The following SEMA6D variants were observed in gnomAD, a reference collection of about 807,000 sequenced individuals.
SEMA6D encodes the protein semaphorin-6D.
Under a neutral mutation model 106.6 loss-of-function variants are expected in SEMA6D, and 35 were observed. That is an observed-to-expected ratio of 0.33 (90% CI 0.25 to 0.44). The LOEUF is 0.44. SEMA6D is among the 20% of genes least tolerant of loss of function. SEMA6D has a pLI of 1.00. For missense variants in SEMA6D, 1,185 were observed against 1,345.9 expected (o/e 0.88, Z 1.87); for synonymous variants, 499 against 487.7 (o/e 1.02, Z -0.31).
At chr15:47,440,066 G>A (rs1190830197) in intron 2 of SEMA6D, among the ~76,000 whole-genome samples, 1 of 152,098 alleles carries the variant, frequency 6.6e-6, no homozygotes, top group Non-Finnish European at 1.5e-5. Flanking sequence ...TTGAACTTGG[G>A]AGAGCAAAAA....
intron 1 of SEMA6D, among the ~76,000 whole-genome samples, chr15:47,758,672 T>G (rs760351087): frequency 9.2e-5 from 14 of 152,190 alleles, no homozygotes; most frequent in Admixed American, 8.5e-4. Context: ...TTGATTAAAT[T>G]TAACACCTAT....
chr15:47,412,050 G>A (rs1159057441), intron 1 of SEMA6D, among the ~76,000 whole-genome samples: 6 of 151,916 alleles, frequency 3.9e-5, no homozygotes, highest in African/African-American at 1.5e-4. Context: ...ATTAAAATTG[G>A]GTTGGTTACT....
chr15:47,771,450 G>A lies in SEMA6D; in HGVS notation c.2887G>A (p.Gly963Ser), dbSNP rs771280362. 34 of 1,614,064 alleles carry A rather than the reference G, an allele frequency of 2.1e-5. No individual in the cohort carries two copies. The highest frequency in any genetic ancestry group is 2.7e-5 in the Non-Finnish European group (32 of 1,180,002). Residue 963 changes from glycine to serine, a missense_variant, in exon 19 of 19, where the codon GGT (glycine) becomes AGT (serine). Transcript: ENST00000536845. ...AATGACTTCTCTGGAAAGACAAAGA[G>A]GTTATCACAAAAATTCCTCCCAGAG... ...VPMTSLERQR[G>S]YHKNSSQRHS... is the part of the protein sequence containing the mutation.
rs2082196873 is a variant in SEMA6D, at chr15:47,763,900, C to T, written c.798C>T (p.Ser266=). ...TATGTAAAAACGACATGGGTGGTTC[C>T]CAGCGGGTCCTGGAGAAACACTGGA... ...ARICKNDMGG[S]QRVLEKHWTS... is the part of the protein sequence containing the mutation. The change falls in exon 10 of 19, where the codon TCC becomes TCT. Residue 266 remains serine (S), a synonymous_variant. Coordinates refer to ENST00000536845, the MANE Select transcript of SEMA6D (RefSeq NM_001358351.3). The T allele has an allele frequency of 6.2e-7, 1 of 1,613,700 alleles. No individual in the cohort carries two copies. The highest frequency in any genetic ancestry group is 1.3e-5 in the African/African-American group (1 of 74,890).
chr15:47,726,646 A>G (rs181264098), intron 1 of SEMA6D, among the ~76,000 whole-genome samples: 19 of 152,306 alleles, frequency 1.2e-4, no homozygotes, highest in Admixed American at 1.0e-3. Context: ...TTCACCTTAT[A>G]AAAGGTGGAT....
intron 1 of SEMA6D, among the ~76,000 whole-genome samples, chr15:47,277,443 C>T (rs940665054): frequency 2.0e-5 from 3 of 151,976 alleles, no homozygotes; most frequent in African/African-American, 2.4e-5. Context: ...AGCAAATCAT[C>T]ACCCTGATCA....
intron 4 of SEMA6D, among the ~76,000 whole-genome samples, chr15:47,710,552 C>T (rs2078996679): frequency 6.6e-6 from 1 of 152,080 alleles, no homozygotes; most frequent in African/African-American, 2.4e-5. Context: ...TTCATAACGC[C>T]TTAAACAGAA....
intron 1 of SEMA6D, among the ~76,000 whole-genome samples, chr15:47,270,165 ATATT>A (rs1183306396): frequency 2.7e-5 from 4 of 148,178 alleles, no homozygotes; most frequent in Admixed American, 6.8e-5. Flanking sequence ...TGTTATAAAT[ATATT>A]TATTATAGTT....
intron 1 of SEMA6D, among the ~76,000 whole-genome samples, chr15:47,328,331 G>A (rs544040649): frequency 1.3e-5 from 2 of 152,266 alleles, no homozygotes; most frequent in African/African-American, 4.8e-5. Flanking sequence ...GATATTTAGG[G>A]AAGCTTTTTC....
At chr15:47,246,079 A>G (rs1382448272) in intron 1 of SEMA6D, among the ~76,000 whole-genome samples, 15 of 152,128 alleles carry the variant, frequency 9.9e-5, no homozygotes, top group Admixed American at 9.8e-4. Context: ...ACCTTTCATA[A>G]TGCTTTAAAG....
intron 4 of SEMA6D, among the ~76,000 whole-genome samples, chr15:47,633,781 G>C (rs759762720): frequency 3.3e-5 from 5 of 151,998 alleles, no homozygotes; most frequent in Non-Finnish European, 5.9e-5. Flanking sequence ...TTTTGGTATT[G>C]TACCTCAGGT....
intron 4 of SEMA6D, among the ~76,000 whole-genome samples, chr15:47,624,624 C>T (rs758164156): frequency 5.9e-5 from 9 of 152,164 alleles, no homozygotes; most frequent in Non-Finnish European, 1.0e-4. Context: ...AATCTTGTAA[C>T]ACAAATATAG....
At chr15:47,552,891 A>AATATATATATATTTTTATATATATAT (rs71118186) in intron 3 of SEMA6D, among the ~76,000 whole-genome samples, 8 of 35,282 alleles carry the variant, frequency 2.3e-4, no homozygotes, top group Non-Finnish European at 4.0e-4. Flanking sequence ...AATATATATA[A>AATATATATATATTTTTATATATATAT]ATATATATAT....
At chr15:47,301,267 T>A (rs2036006189) in intron 1 of SEMA6D, among the ~76,000 whole-genome samples, 1 of 152,146 alleles carries the variant, frequency 6.6e-6, no homozygotes, top group South Asian at 2.1e-4. Flanking sequence ...ATAGTGTAAA[T>A]AGTGACAGCT....
intron 2 of SEMA6D, among the ~76,000 whole-genome samples, chr15:47,456,785 T>C (rs2042357607): frequency 6.6e-6 from 1 of 152,006 alleles, no homozygotes; most frequent in South Asian, 2.1e-4. Flanking sequence ...CTGAAACAGA[T>C]GGCGGTAGTC....
chr15:47,194,213 A>G (rs944225775), intron 1 of SEMA6D, among the ~76,000 whole-genome samples: 4 of 152,116 alleles, frequency 2.6e-5, no homozygotes, highest in African/African-American at 9.7e-5. Flanking sequence ...CTAACTTAAT[A>G]TTTACAAGGT....
At chr15:47,693,559 C>T (rs2078634752) in intron 4 of SEMA6D, among the ~76,000 whole-genome samples, 2 of 152,158 alleles carry the variant, frequency 1.3e-5, no homozygotes, top group South Asian at 4.1e-4. Context: ...CAGTGATTCT[C>T]AGTCCTGCCT....
At chr15:47,464,439 A>G (rs538481178) in intron 2 of SEMA6D, among the ~76,000 whole-genome samples, 4 of 152,086 alleles carry the variant, frequency 2.6e-5, no homozygotes, top group East Asian at 1.9e-4. Context: ...GGTGATACCC[A>G]TTGTCTCTGC....
At chr15:47,272,799 C>G (rs2034617148) in intron 1 of SEMA6D, 1 of 152,378 alleles carries the variant, frequency 6.6e-6, no homozygotes, top group Non-Finnish European at 1.5e-5. Flanking sequence ...AGCTGTGCTC[C>G]CCTGCTAGAA....
Sources: allele counts gnomAD v4.1 joint callset (sites outside exome capture counted in the v4.1 genomes callset), GRCh38; gene constraint gnomAD v4.1.1; transcripts MANE v1.5; gene names NCBI Gene and HGNC (gene_info 2026-07-23, HGNC 2026-07-21).